Variants in CAMTA1 observed in about 807,000 individuals in gnomAD.
The protein encoded by CAMTA1 is calmodulin binding transcription activator 1.
CAMTA1 carries 27 observed loss-of-function variants against 170.9 expected under a neutral mutation model. The ratio of observed to expected loss-of-function variants is 0.16; its 90% confidence interval spans 0.12 to 0.22. The LOEUF is 0.22. CAMTA1 is among the 10% of genes least tolerant of loss of function. The probability of loss-of-function intolerance (pLI) is 1.00; values close to 1 mark genes in which losing one functional copy is unlikely to be tolerated. For missense variants in CAMTA1, 1,619 were observed against 2,217.2 expected, an observed-to-expected ratio of 0.73 and a Z score of 5.42; for synonymous variants, 833 against 891.5, an observed-to-expected ratio of 0.93 and a Z score of 1.17.
intron 4 of CAMTA1, among the ~76,000 whole-genome samples, chr1:7,217,365 A>G (rs1219012727): frequency 1.3e-5 from 2 of 152,290 alleles, no homozygotes; most frequent in East Asian, 3.9e-4. Context: ...TAAATTACCC[A>G]GTCTCGGGCA....
intron 5 of CAMTA1, among the ~76,000 whole-genome samples, chr1:7,310,676 C>T (rs1574593469): frequency 3.9e-5 from 1 of 25,528 alleles, no homozygotes; most frequent in African/African-American, 2.5e-4. Flanking sequence ...TCTTTCCTTT[C>T]TTTCTCTCTC....
intron 5 of CAMTA1, among the ~76,000 whole-genome samples, chr1:7,364,496 C>T (rs919847985): frequency 6.6e-6 from 1 of 150,990 alleles, no homozygotes; most frequent in Non-Finnish European, 1.5e-5. Flanking sequence ...GTCACCCAGG[C>T]TGAAGTGCAG....
chr1:6,986,146 G>C (rs999111428), intron 3 of CAMTA1, among the ~76,000 whole-genome samples: 58 of 152,190 alleles, frequency 3.8e-4, no homozygotes, highest in African/African-American at 1.4e-3. Flanking sequence ...CGGAGGGTCT[G>C]GGGGAATGAG....
intron 10 of CAMTA1, among the ~76,000 whole-genome samples, chr1:7,675,127 C>G (rs2096103222): frequency 3.9e-5 from 6 of 152,116 alleles, no homozygotes; most frequent in Admixed American, 3.9e-4. Flanking sequence ...TGGGATGGAG[C>G]CAGTCATGGG....
intron 3 of CAMTA1, among the ~76,000 whole-genome samples, chr1:6,966,004 TG>T (rs1276999592): frequency 6.6e-6 from 1 of 151,604 alleles, no homozygotes; most frequent in Non-Finnish European, 1.5e-5. Context: ...TGGGAGTGTG[TG>T]GGGGATCTCG....
intron 5 of CAMTA1, among the ~76,000 whole-genome samples, chr1:7,394,913 G>A (rs767945195): frequency 2.3e-4 from 33 of 144,804 alleles, no homozygotes; most frequent in Non-Finnish European, 2.4e-4. Flanking sequence ...ATGGAGTTTC[G>A]CTCTTCTTGA....
intron 5 of CAMTA1, among the ~76,000 whole-genome samples, chr1:7,269,782 G>A (rs1669427073): frequency 6.6e-6 from 1 of 152,162 alleles, no homozygotes; most frequent in African/African-American, 2.4e-5. Context: ...CAGACCATGA[G>A]GAGTGGGTGG....
chr1:7,241,531 A>T (rs918809262), intron 4 of CAMTA1, among the ~76,000 whole-genome samples: 3 of 152,264 alleles, frequency 2.0e-5, no homozygotes, highest in African/African-American at 4.8e-5. Context: ...GAGGACTTAT[A>T]GTCCCGGATT....
Position 7,663,632 on chromosome 1 carries a change from T to A in CAMTA1, c.1085T>A (p.Ile362Asn), listed in dbSNP as rs771865968. 5.0e-6 allele frequency: 8 copies of A among 1,613,948 alleles called. No individual in the cohort carries two copies. In the South Asian group the frequency reaches 6.6e-5, roughly 13 times the overall value. The change falls in exon 9 of 23, where the codon ATC becomes AAC. Residue 362 changes from isoleucine (I) to asparagine (N), a missense_variant. Transcript: ENST00000303635. ...ACCACCCAGAGCTCCCCTGTGTCCATCAGCAGCGGGCTCAACAGCGACCCG... is the reference window on the plus strand; with the variant it reads ...ACCACCCAGAGCTCCCCTGTGTCCAACAGCAGCGGGCTCAACAGCGACCCG... ...PDTTQSSPVS[I>N]SSGLNSDPDM...
At chr1:7,445,390 G>A (rs1247668004) in intron 5 of CAMTA1, among the ~76,000 whole-genome samples, 1 of 151,934 alleles carries the variant, frequency 6.6e-6, no homozygotes, top group Non-Finnish European at 1.5e-5. Context: ...GGAAGCCCAT[G>A]GGAGCTGTGG....
intron 3 of CAMTA1, among the ~76,000 whole-genome samples, chr1:6,916,990 G>A (rs1344813071): frequency 6.6e-6 from 1 of 152,146 alleles, no homozygotes. Context: ...GTCTGTGTGG[G>A]GTGGGTCAGG....
At chr1:7,619,289 G>A (rs1019649504) in intron 6 of CAMTA1, among the ~76,000 whole-genome samples, 8 of 152,242 alleles carry the variant, frequency 5.3e-5, no homozygotes, top group African/African-American at 1.9e-4. Flanking sequence ...TACGCGGAAA[G>A]CCAGAGAGAG....
At chr1:6,804,500 C>T (rs2148255442) in intron 1 of CAMTA1, among the ~76,000 whole-genome samples, 1 of 152,186 alleles carries the variant, frequency 6.6e-6, no homozygotes, top group South Asian at 2.1e-4. Flanking sequence ...GCAGCCACTC[C>T]CTGTTGCCTC....
chr1:6,983,511 T>TG (rs1380606590), intron 3 of CAMTA1, among the ~76,000 whole-genome samples: 10 of 152,372 alleles, frequency 6.6e-5, no homozygotes, highest in African/African-American at 1.7e-4. Flanking sequence ...TTTTCCTTTG[T>TG]AATACTTATC....
chr1:7,737,366 A>G lies in CAMTA1; in HGVS notation c.3454A>G (p.Arg1152Gly). 1.2e-6 allele frequency: 2 copies of G among 1,614,236 alleles called. No individual in the cohort carries two copies. Among genetic ancestry groups the G allele is most frequent in the Non-Finnish European group, 1.7e-6 (2 of 1,180,048 alleles). ...SLGRLPLGIA[R>G]SRGHVKLAEC... Reference sequence around the variant, plus strand: ...AGGAAGGCTGCCTTTGGGAATTGCCAGGTCACGGGGTCATGTGAAATTAGC... The same window carrying G: ...AGGAAGGCTGCCTTTGGGAATTGCCGGGTCACGGGGTCATGTGAAATTAGC... Residue 1152 changes from arginine to glycine, a missense_variant, in exon 15 of 23, where the codon AGG becomes GGG. Physicochemically the swap from Arg to Gly is moderately radical, Grantham distance 125. Around this residue, in one of 8 missense-constraint regions of CAMTA1, gnomAD observed 60 missense variants for 128.5 expected, o/e 0.47. Transcript: ENST00000303635.
Position 7,064,769 on chromosome 1 carries a change from G to A in CAMTA1, c.235-26535G>A, listed in dbSNP as rs1393579088. ...GGGGGAGGTGGCAGGAGTCCCATTC[G>A]GGGCATGGTGGGGGCTGTAGGAGGA... is the stretch of plus-strand genomic sequence containing the variant. On this transcript the variant is annotated intron_variant, in intron 3 of 22. Transcript: ENST00000303635. This position sits in a 1 kb window ranked among gnomAD's most constrained non-coding sequence, Gnocchi z 5.4. 1.3e-5 allele frequency among the ~76,000 whole-genome samples: 2 copies of A among 152,094 alleles called. No homozygotes were observed. Among genetic ancestry groups the A allele is most frequent in the East Asian group, 1.9e-4 (1 of 5,172 alleles).
intron 3 of CAMTA1, among the ~76,000 whole-genome samples, chr1:6,945,012 C>T (rs1038873759): frequency 3.0e-4 from 45 of 152,216 alleles, no homozygotes; most frequent in African/African-American, 1.0e-3. Context: ...GGAGCGCCTG[C>T]GTGTGGTTTG....
At chr1:7,715,422 T>C (rs1224134876) in intron 11 of CAMTA1, among the ~76,000 whole-genome samples, 3 of 149,640 alleles carry the variant, frequency 2.0e-5, no homozygotes, top group African/African-American at 7.4e-5. Flanking sequence ...CTGCATCCCA[T>C]AGCCACACAC....
chr1:7,064,398 T>C lies in CAMTA1; in HGVS notation c.235-26906T>C, dbSNP rs114388517. ...GATCTCACCTCCAAATACCATAGCA[T>C]TGGGGGTTGGGGCTTCAACCTATTA... On this transcript the variant is annotated intron_variant, in intron 3 of 22. Coordinates refer to ENST00000303635, the MANE Select transcript of CAMTA1 (RefSeq NM_015215.4). This position sits in a 1 kb window ranked among gnomAD's most constrained non-coding sequence, Gnocchi z 5.4. 0.02 allele frequency among the ~76,000 whole-genome samples: 3,114 copies of C among 152,200 alleles called. 38 individuals carry two copies. Among genetic ancestry groups the C allele is most frequent in the Middle Eastern group, 0.051 (15 of 294 alleles).
Sources: gnomAD v4.1 joint callset for allele counts (sites outside exome capture counted in the v4.1 genomes callset) on GRCh38, gnomAD v4.1.1 for gene constraint, gnomAD v4.1.1 regional missense constraint, Gnocchi (gnomAD v3.1) non-coding constraint, MANE v1.5 for transcripts, NCBI Gene and HGNC (gene_info 2026-07-23, HGNC 2026-07-21) for gene names.